POM121: variants seen among roughly 807,000 people sequenced by gnomAD.
The protein encoded by POM121 is POM121 transmembrane nucleoporin.
Under a neutral mutation model 81.3 loss-of-function variants are expected in POM121, and 32 were observed. That is an observed-to-expected ratio of 0.39 (90% CI 0.30 to 0.53). The LOEUF (loss-of-function observed/expected upper bound fraction) is 0.53. Among genes scored for constraint, POM121 ranks in the 20% least tolerant of loss-of-function variants. The pLI, the probability that POM121 is intolerant of heterozygous loss-of-function variation, is 0.66. For synonymous variants in POM121, 514 were observed against 694.2 expected (o/e 0.74, Z 4.08); for missense variants, 1,138 against 1,614.6 (o/e 0.70, Z 5.06).
intron 5 of POM121, 123 bp from the exon 6 acceptor site, chr7:72,938,467 A>G: frequency 1.7e-6 from 2 of 1,189,842 alleles, no homozygotes; most frequent in Non-Finnish European, 2.5e-6. Flanking sequence ...CTGGGATTAC[A>G]GGCATGACTA....
At chr7:72,880,360 C>A (rs1416277494) in intron 1 of POM121, among the ~76,000 whole-genome samples, 1 of 152,100 alleles carries the variant, frequency 6.6e-6, no homozygotes, top group Non-Finnish European at 1.5e-5. Context: ...ACCAGGTCAC[C>A]GGCTTTGTGG....
Position 72,928,434 on chromosome 7 carries a change from G to A in POM121, c.1072G>A (p.Ala358Thr), listed in dbSNP as rs369516981. ...ACATTCAGCATTTGAGCCCCTGGTG[G>A]CCAATGGAGTCCCCGCTTCTTTTGT... The part of the protein sequence containing the change: ...SGHSAFEPLV[A>T]NGVPASFVPK... The change falls in exon 4 of 13, where the codon GCC (alanine) becomes ACC (threonine). Residue 358 changes from alanine (A) to threonine (T), a missense_variant. Coordinates refer to ENST00000434423, the MANE Select transcript of POM121 (RefSeq NM_001387691.1). The A allele has an allele frequency of 3.6e-5, 58 of 1,614,122 alleles. No homozygotes were observed. The highest frequency in any genetic ancestry group is 4.7e-5 in the Non-Finnish European group (56 of 1,180,042).
chr7:72,921,140 C>T (rs373430828), upstream of POM121, among the ~76,000 whole-genome samples: 5 of 152,078 alleles, frequency 3.3e-5, no homozygotes, highest in Admixed American at 6.5e-5. Flanking sequence ...GCCGAGATCG[C>T]GCCACTGCAC....
chr7:72,879,618 C>A (rs1401394189), exon 1 of POM121: 9 of 299,854 alleles, frequency 3.0e-5, no homozygotes, highest in South Asian at 2.2e-4. Context: ...GGCGAAGGGG[C>A]GACGGGACCT....
intron 3 of POM121, among the ~76,000 whole-genome samples, chr7:72,903,697 C>A (rs1427936902): frequency 3.9e-5 from 6 of 152,210 alleles, no homozygotes; most frequent in African/African-American, 7.2e-5. Context: ...AAAAGAAAAA[C>A]CCAGCTCTTT....
intron 5 of POM121, among the ~76,000 whole-genome samples, chr7:72,932,987 G>C (rs551525897): frequency 2.0e-5 from 3 of 151,860 alleles, no homozygotes; most frequent in Non-Finnish European, 4.4e-5. Flanking sequence ...GGGAGGCAGG[G>C]GTTGCAGTGA....
chr7:72,941,266 C>T (rs1797037742), intron 10 of POM121, among the ~76,000 whole-genome samples: 1 of 152,202 alleles, frequency 6.6e-6, no homozygotes, highest in Non-Finnish European at 1.5e-5. Flanking sequence ...ATGATCTTCC[C>T]TGTGCGGCAC....
intron 3 of POM121, among the ~76,000 whole-genome samples, chr7:72,910,642 G>A (rs572958048): frequency 2.8e-4 from 43 of 151,938 alleles, no homozygotes; most frequent in African/African-American, 8.9e-4. Context: ...ACAGGTCTTT[G>A]TTCCACAGTG....
rs1193521509 is a variant in POM121, at chr7:72,937,829, G to A, written c.1276-761G>A. Among the ~76,000 whole-genome samples, 6 of 152,340 alleles carry A rather than the reference G, an allele frequency of 3.9e-5. No homozygotes were observed. The South Asian group carries it at 8.3e-4, about 21-fold the overall frequency. On this transcript the variant is annotated intron_variant, in intron 5 of 12. Transcript: ENST00000434423. Reference sequence around the variant, plus strand: ...GTCTTTGCTGTCAAGAACTCACCTGGTGGAAGAGGCAGATGTATGGATAAT... The same window carrying A: ...GTCTTTGCTGTCAAGAACTCACCTGATGGAAGAGGCAGATGTATGGATAAT...
intron 3 of POM121, among the ~76,000 whole-genome samples, chr7:72,910,960 G>A (rs1468064741): frequency 3.0e-4 from 45 of 152,110 alleles, no homozygotes; most frequent in African/African-American, 1.1e-3. Context: ...TTGTTGGTTT[G>A]ATTGATTGGA....
At chr7:72,919,842 C>G (rs1355274837) in intron 4 of POM121, among the ~76,000 whole-genome samples, 1 of 152,144 alleles carries the variant, frequency 6.6e-6, no homozygotes, top group Non-Finnish European at 1.5e-5. Context: ...TTTTTGCCTT[C>G]AGCACTTTAA....
chr7:72,922,635 G>T (rs1194020833), upstream of POM121, among the ~76,000 whole-genome samples: 1 of 151,394 alleles, frequency 6.6e-6, no homozygotes, highest in African/African-American at 2.4e-5. Flanking sequence ...AAAGCGATCC[G>T]CCCACCTTGG....
intron 4 of POM121, among the ~76,000 whole-genome samples, chr7:72,914,990 A>G (rs1330638123): frequency 6.6e-6 from 1 of 151,388 alleles, no homozygotes; most frequent in African/African-American, 2.4e-5. Flanking sequence ...TGGTACCTGT[A>G]TTATTCCCTC....
At position 72,926,827 on chromosome 7, in the gene POM121, C is replaced by T. The variant is rs562165164; in HGVS notation, c.886C>T (p.Leu296=). ...ACCAGAGCAGATAATCAGCTCAACA[C>T]TGTCCTCACCATCAAGTAACGCCCC... ...AIPEQIISST[L]SSPSSNAPDP... Residue 296 remains leucine, a synonymous_variant, in exon 3 of 13, where the codon CTG becomes TTG. Coordinates refer to ENST00000434423, the MANE Select transcript of POM121 (RefSeq NM_001387691.1). 1.2e-6 allele frequency: 2 copies of T among 1,613,976 alleles called. No individual in the cohort carries two copies. The highest frequency in any genetic ancestry group is 1.1e-5 in the South Asian group (1 of 91,074).
chr7:72,948,610 A>G (rs781826903), downstream of POM121: 1 of 1,605,320 alleles, frequency 6.2e-7, no homozygotes, highest in South Asian at 1.1e-5. Context: ...AGAGAAATGT[A>G]GATGTTAGAT....
intron 1 of POM121, among the ~76,000 whole-genome samples, chr7:72,883,065 G>T (rs1445002584): frequency 6.6e-6 from 1 of 151,820 alleles, no homozygotes; most frequent in African/African-American, 2.4e-5. Context: ...TTTGAGATAG[G>T]GTCTTGCTCT....
exon 1 of POM121, chr7:72,879,850 G>T: frequency 2.0e-6 from 1 of 512,446 alleles, no homozygotes; most frequent in Non-Finnish European, 3.9e-6. Context: ...CGGCCTCTCG[G>T]GAGCCGTGGG....
At chr7:72,929,875 C>T (rs1392597960) in intron 4 of POM121, 65 bp from the exon 5 acceptor site, 36 of 1,490,052 alleles carry the variant, frequency 2.4e-5, no homozygotes, top group African/African-American at 1.8e-4. Flanking sequence ...ATGTCATGAC[C>T]GTGGATGAAA....
At chr7:72,928,797 C>T (rs1795729985) in intron 4 of POM121, among the ~76,000 whole-genome samples, 1 of 152,170 alleles carries the variant, frequency 6.6e-6, no homozygotes, top group South Asian at 2.1e-4. Flanking sequence ...TTCTACATGT[C>T]AGTTTAAAAA....
Sources: allele counts gnomAD v4.1 joint callset (sites outside exome capture counted in the v4.1 genomes callset), GRCh38; gene constraint gnomAD v4.1.1; transcripts MANE v1.5; gene names NCBI Gene and HGNC (gene_info 2026-07-23, HGNC 2026-07-21).